FLT1: variants seen among roughly 807,000 people sequenced by gnomAD.
FLT1 encodes the protein fms related receptor tyrosine kinase 1.
A neutral mutation model predicts 156.3 loss-of-function variants in FLT1; 49 were observed. The observed-to-expected ratio is 0.31, with a 90% CI of 0.25 to 0.40. The LOEUF is 0.40. Among genes scored for constraint, FLT1 ranks in the 10% least tolerant of loss-of-function variants. The pLI, the probability that FLT1 is intolerant of heterozygous loss-of-function variation, is 1.00. For synonymous variants in FLT1, 594 were observed against 583.8 expected, an observed-to-expected ratio of 1.02 and a Z score of -0.25; for missense variants, 1,322 against 1,637.2, an observed-to-expected ratio of 0.81 and a Z score of 3.32.
chr13:28,322,819 T>C lies in FLT1; in HGVS notation c.2924A>G (p.Lys975Arg). Residue 975 changes from lysine (K) to arginine (R), a missense_variant, in exon 21 of 30, where the codon AAA (lysine) becomes AGA (arginine). By Grantham distance (26) the Lys-to-Arg change is conservative. This residue lies in a region of FLT1 where 991 missense variants were observed against 1,254.8 expected (regional missense o/e 0.79). Coordinates refer to ENST00000282397, the MANE Select transcript of FLT1 (RefSeq NM_002019.4). The surrounding 1 kb of genome is among the most constrained non-coding windows in gnomAD (Gnocchi z 4.3). ...SFASSGFQED[K>R]SLSDVEEEED... ...CTCTTCCTCAACATCACTCAGACTT[T>C]TATCTTCCTGAAAGCCGGAGCTCGC... The C allele has an allele frequency of 6.2e-7, 1 of 1,614,164 alleles. No homozygotes were observed. Among genetic ancestry groups the C allele is most frequent in the Non-Finnish European group, 8.5e-7 (1 of 1,180,040 alleles).
chr13:28,475,718 T>G (rs1042175740), intron 1 of FLT1, among the ~76,000 whole-genome samples: 1 of 152,246 alleles, frequency 6.6e-6, no homozygotes, highest in African/African-American at 2.4e-5. Flanking sequence ...AAGTTAACTC[T>G]TAGTTCTTAA....
intron 13 of FLT1, 48 bp downstream of exon 13, chr13:28,389,748 T>A: frequency 6.2e-7 from 1 of 1,614,004 alleles, no homozygotes; most frequent in African/African-American, 1.3e-5. Flanking sequence ...CTTGTGCTTT[T>A]AAATTTGGAG....
chr13:28,401,303 C>T (rs551861182), intron 11 of FLT1, among the ~76,000 whole-genome samples: 30 of 152,310 alleles, frequency 2.0e-4, no homozygotes, highest in Non-Finnish European at 2.9e-4. Flanking sequence ...TGTGGTGCTT[C>T]CAGTTGCCTG....
rs138924655 is a variant in FLT1, at chr13:28,409,454, C to G, written c.1437-3560G>C. ...GGCTCAACTGACCCTCCAACTTCAG[C>G]CTTCCGAGTAGCTGGGACTACATGT... On this transcript the variant is annotated intron_variant, in intron 10 of 29. Coordinates refer to ENST00000282397, the MANE Select transcript of FLT1 (RefSeq NM_002019.4). 2.6e-3 allele frequency among the ~76,000 whole-genome samples: 397 copies of G among 152,086 alleles called. 2 individuals are homozygous for G. The highest frequency in any genetic ancestry group is 9.1e-3 in the African/African-American group (378 of 41,476).
intron 4 of FLT1, among the ~76,000 whole-genome samples, 164 bp downstream of exon 4, chr13:28,438,057 A>G (rs946568399): frequency 1.3e-5 from 2 of 152,260 alleles, no homozygotes. Flanking sequence ...ATGCATGGAC[A>G]TAACTTCTAG....
In FLT1 at chr13:28,357,868, C is replaced by CTTTTTTTTTTTTTTTTTTTTTTTTTTT. The variant is rs57304530; in HGVS notation, c.2117-184_2117-183insAAAAAAAAAAAAAAAAAAAAAAAAAAA. On this transcript the variant is annotated intron_variant, in intron 14 of 29. Coordinates refer to ENST00000282397, the MANE Select transcript of FLT1 (RefSeq NM_002019.4). The stretch of plus-strand genomic sequence containing the variant: ...CCAGGCTTTCTTTTTCTTTTCTTTC[C>CTTTTTTTTTTTTTTTTTTTTTTTTTTT]TTTTTTTTTTTTTTTTTTTTTCTGC... 5.7e-5 allele frequency among the ~76,000 whole-genome samples: 6 copies of CTTTTTTTTTTTTTTTTTTTTTTTTTTT among 104,726 alleles called. 1 individual carries two copies. The highest frequency in any genetic ancestry group is 2.2e-4 in the African/African-American group (6 of 26,972). The allele number at this position is 104,726 out of a possible 152,430, so 68.7% of individuals were successfully genotyped here.
intron 23 of FLT1, among the ~76,000 whole-genome samples, chr13:28,320,945 G>A (rs992000879): frequency 1.1e-4 from 16 of 152,102 alleles, no homozygotes; most frequent in Admixed American, 2.6e-4. Context: ...AACAAGCAGG[G>A]AAGAGAAGCC....
At chr13:28,317,985 G>A (rs1196471955) in intron 24 of FLT1, among the ~76,000 whole-genome samples, 3 of 152,052 alleles carry the variant, frequency 2.0e-5, no homozygotes, top group South Asian at 4.2e-4. Context: ...TGAAGAGACG[G>A]GTCTCCCTCT....
At chr13:28,337,265 C>T (rs537888527) in intron 17 of FLT1, among the ~76,000 whole-genome samples, 4 of 152,048 alleles carry the variant, frequency 2.6e-5, no homozygotes, top group East Asian at 1.9e-4. Context: ...AATTCCAATC[C>T]CACTCACTAG....
intron 14 of FLT1, chr13:28,368,512 C>A (rs749211077): frequency 7.1e-6 from 11 of 1,542,134 alleles, no homozygotes; most frequent in Non-Finnish European, 9.6e-6. Context: ...TTGAAGTTGA[C>A]ACATAATAGT....
chr13:28,490,706 C>A (rs1234279390), intron 1 of FLT1, among the ~76,000 whole-genome samples: 1 of 152,150 alleles, frequency 6.6e-6, no homozygotes, highest in African/African-American at 2.4e-5. Flanking sequence ...ATTGCTTAAA[C>A]CAAATGCCAC....
At chr13:28,478,475 A>G (rs1276291644) in intron 1 of FLT1, among the ~76,000 whole-genome samples, 1 of 152,222 alleles carries the variant, frequency 6.6e-6, no homozygotes, top group East Asian at 1.9e-4. Flanking sequence ...TTAGAAGGAA[A>G]GTCTCACAGA....
intron 3 of FLT1, among the ~76,000 whole-genome samples, chr13:28,442,901 A>G (rs1460540382): frequency 6.6e-6 from 1 of 152,216 alleles, no homozygotes; most frequent in African/African-American, 2.4e-5. Context: ...TATCACCAGT[A>G]AAACCACTTA....
chr13:28,469,229 G>C (rs1880017466), intron 1 of FLT1, among the ~76,000 whole-genome samples: 1 of 152,210 alleles, frequency 6.6e-6, no homozygotes, highest in Non-Finnish European at 1.5e-5. Context: ...TCAGGGTATA[G>C]TTTTCTTTAA....
chr13:28,335,952 C>T (rs1453029600), intron 17 of FLT1, among the ~76,000 whole-genome samples: 1 of 152,194 alleles, frequency 6.6e-6, no homozygotes, highest in Non-Finnish European at 1.5e-5. Context: ...AAAACTGGTG[C>T]ATTTTGGTTG....
At chr13:28,396,245 C>T (rs141594357) in intron 12 of FLT1, among the ~76,000 whole-genome samples, 3 of 152,284 alleles carry the variant, frequency 2.0e-5, no homozygotes, top group African/African-American at 4.8e-5. Context: ...CAGCCTGCCC[C>T]GGGCAGTGAG....
chr13:28,376,621 A>G lies in FLT1; in HGVS notation c.2116+8264T>C, dbSNP rs144756053. ...CTGTGTCAGTGCAAACCTAAACTAG[A>G]TAGGCCTTCTGCCATATATTCTTGG... On this transcript the variant is annotated intron_variant, in intron 14 of 29. Coordinates refer to ENST00000282397, the MANE Select transcript of FLT1 (RefSeq NM_002019.4). Among the ~76,000 whole-genome samples, 3 of 152,312 alleles carry G rather than the reference A, an allele frequency of 2.0e-5. No individual in the cohort carries two copies. In the East Asian group the frequency reaches 5.8e-4, roughly 29 times the overall value.
At chr13:28,354,169 T>C (rs1245570272) in intron 15 of FLT1, among the ~76,000 whole-genome samples, 2 of 152,202 alleles carry the variant, frequency 1.3e-5, no homozygotes, top group East Asian at 3.8e-4. Context: ...ATTTCAATTA[T>C]AAAATTAATG....
At chr13:28,410,363 T>C (rs1876086820) in intron 10 of FLT1, among the ~76,000 whole-genome samples, 1 of 152,238 alleles carries the variant, frequency 6.6e-6, no homozygotes, top group Non-Finnish European at 1.5e-5. Context: ...GAGGAAATGA[T>C]CGATTCTCTT....
Sources: gnomAD v4.1 joint callset for allele counts (sites outside exome capture counted in the v4.1 genomes callset) on GRCh38, gnomAD v4.1.1 for gene constraint, gnomAD v4.1.1 regional missense constraint, Gnocchi (gnomAD v3.1) non-coding constraint, MANE v1.5 for transcripts, NCBI Gene and HGNC (gene_info 2026-07-23, HGNC 2026-07-21) for gene names.